Variants in DYSF observed in about 807,000 individuals in gnomAD.
DYSF encodes dysferlin, also known as dystrophy-associated fer-1-like 1.
Under a neutral mutation model 274.9 loss-of-function variants are expected in DYSF, and 212 were observed. That is an observed-to-expected ratio of 0.77 (90% CI 0.69 to 0.86). The LOEUF is 0.86. Among genes scored for constraint, DYSF ranks in the 40% least tolerant of loss-of-function variants. DYSF has a pLI of 0.00. For missense variants in DYSF, 2,666 were observed against 2,783.2 expected (o/e 0.96, Z 0.95); for synonymous variants, 1,091 against 1,078.7 (o/e 1.01, Z -0.22).
chr2:71,528,759 G>A (rs1270082758), intron 14 of DYSF, among the ~76,000 whole-genome samples: 1 of 152,206 alleles, frequency 6.6e-6, no homozygotes, highest in African/African-American at 2.4e-5. Context: ...TAAAGATGTG[G>A]GAGAAAAACA....
chr2:71,565,244 C>CTTTTT (rs775865593), intron 24 of DYSF, among the ~76,000 whole-genome samples: 2 of 120,792 alleles, frequency 1.7e-5, no homozygotes, highest in Admixed American at 1.5e-4. Context: ...ACCCACCCAG[C>CTTTTT]TCTTTTTTTT....
At chr2:71,475,377 ATG>A (rs2082326419) in intron 1 of DYSF, among the ~76,000 whole-genome samples, 1 of 152,204 alleles carries the variant, frequency 6.6e-6, no homozygotes, top group Non-Finnish European at 1.5e-5. Flanking sequence ...ACAGTTAGTA[ATG>A]TGAGTAAGGC....
Position 71,468,881 on chromosome 2 carries a change from G to A in DYSF, c.91+1948G>A, listed in dbSNP as rs564674953. 8.5e-4 allele frequency among the ~76,000 whole-genome samples: 129 copies of A among 152,346 alleles called. 1 individual carries two copies. In the South Asian group the frequency reaches 0.015, roughly 18 times the overall value. On this transcript the variant is annotated intron_variant, in intron 1 of 55. Transcript: ENST00000410020. ...GTTCATTGGTTTGTCCCAGTGCTGA[G>A]CACAAGTAGGTGCTCTCTAGTGTTT... is the stretch of plus-strand genomic sequence containing the variant.
chr2:71,458,274 A>G (rs1006119198), intron 1 of DYSF, among the ~76,000 whole-genome samples: 1 of 152,232 alleles, frequency 6.6e-6, no homozygotes, highest in African/African-American at 2.4e-5. Context: ...TTTTACATAA[A>G]TTTATTATAA....
At chr2:71,488,538 A>T (rs1004317318) in intron 3 of DYSF, among the ~76,000 whole-genome samples, 1 of 152,144 alleles carries the variant, frequency 6.6e-6, no homozygotes. Flanking sequence ...TTAAATGAGG[A>T]GGTCTCAAAT....
chr2:71,643,825 C>G lies in DYSF; in HGVS notation c.4528-140C>G. On this transcript the variant is annotated intron_variant, in intron 41 of 55. Coordinates refer to ENST00000410020, the MANE Select transcript of DYSF (RefSeq NM_001130987.2). Reference sequence around the variant, plus strand: ...GCCCCAGGAGAGGCGGAGGTTTCCTCTCTCTGCTCCCCCACATCACCCTTA... The same window carrying G: ...GCCCCAGGAGAGGCGGAGGTTTCCTGTCTCTGCTCCCCCACATCACCCTTA... The G allele has an allele frequency of 4.1e-6, 3 of 725,038 alleles. No homozygotes were observed. In the South Asian group the frequency reaches 4.5e-5, roughly 11 times the overall value. 44.9% of individuals were successfully genotyped at this position (725,038 alleles called of 1,614,324 possible).
chr2:71,640,368 T>G (rs1378216257), intron 41 of DYSF, among the ~76,000 whole-genome samples: 1 of 152,174 alleles, frequency 6.6e-6, no homozygotes, highest in African/African-American at 2.4e-5. Context: ...TAAACATCCA[T>G]TTTTTGTTTT....
intron 4 of DYSF, among the ~76,000 whole-genome samples, chr2:71,510,380 G>T (rs527820328): frequency 6.6e-6 from 1 of 152,340 alleles, no homozygotes; most frequent in South Asian, 2.1e-4. Context: ...GAAGGGACTG[G>T]CTGCTCACGT....
chr2:71,659,080 T>C, intron 44 of DYSF, 47 bp downstream of exon 44: 1 of 1,613,210 alleles, frequency 6.2e-7, no homozygotes, highest in Non-Finnish European at 8.5e-7. Context: ...CAGGCTCAGG[T>C]ACAAGTGGCC....
intron 30 of DYSF, among the ~76,000 whole-genome samples, chr2:71,575,728 C>T (rs566886998): frequency 6.6e-6 from 1 of 152,260 alleles, no homozygotes; most frequent in African/African-American, 2.4e-5. Flanking sequence ...CCTGTGTAAT[C>T]AGGATCTGTT....
At chr2:71,635,099 T>G (rs1170621100) in intron 41 of DYSF, among the ~76,000 whole-genome samples, 2 of 152,192 alleles carry the variant, frequency 1.3e-5, no homozygotes, top group Admixed American at 1.3e-4. Flanking sequence ...TGCTGCTGCC[T>G]GGACCCCCAA....
At chr2:71,571,305 TACACCTAGC>T (rs2092421869) in intron 29 of DYSF, among the ~76,000 whole-genome samples, 2 of 75,080 alleles carry the variant, frequency 2.7e-5, no homozygotes, top group South Asian at 8.4e-4. Flanking sequence ...ACACACAGAT[TACACCTAGC>T]ACACCCAGCA....
chr2:71,569,165 C>T (rs1387282507), intron 26 of DYSF, among the ~76,000 whole-genome samples: 3 of 152,358 alleles, frequency 2.0e-5, no homozygotes, highest in South Asian at 2.1e-4. Flanking sequence ...TGAGCCACCG[C>T]GCCTGGCCCA....
At chr2:71,616,031 C>G (rs555700885) in intron 40 of DYSF, among the ~76,000 whole-genome samples, 1 of 152,288 alleles carries the variant, frequency 6.6e-6, no homozygotes, top group African/African-American at 2.4e-5. Flanking sequence ...GACACCTTCT[C>G]TCTGCTCCCA....
At chr2:71,594,764 C>T (rs1338934679) in intron 32 of DYSF, among the ~76,000 whole-genome samples, 1 of 152,204 alleles carries the variant, frequency 6.6e-6, no homozygotes, top group Non-Finnish European at 1.5e-5. Flanking sequence ...CACGGCCTAC[C>T]TCCTCATCCT....
At chr2:71,583,817 G>A (rs544039728) in intron 30 of DYSF, among the ~76,000 whole-genome samples, 1 of 152,300 alleles carries the variant, frequency 6.6e-6, no homozygotes, top group South Asian at 2.1e-4. Context: ...TCTCCTCCTG[G>A]CTGTGGTCCT....
chr2:71,663,336 C>T (rs1410812098), intron 45 of DYSF, among the ~76,000 whole-genome samples: 1 of 152,242 alleles, frequency 6.6e-6, no homozygotes, highest in African/African-American at 2.4e-5. Flanking sequence ...GTCCCTTTAG[C>T]TGCTGTCCCC....
intron 41 of DYSF, among the ~76,000 whole-genome samples, chr2:71,634,822 C>T (rs2094371769): frequency 6.6e-6 from 1 of 152,162 alleles, no homozygotes; most frequent in Non-Finnish European, 1.5e-5. Context: ...TCTACTCTGA[C>T]ATTTAGAGAC....
rs149732545 is a variant in DYSF at position 71,682,676 on chromosome 2, C to T, written c.6320C>T (p.Pro2107Leu). 151 of 1,613,726 alleles carry T rather than the reference C, an allele frequency of 9.4e-5. No homozygotes were observed. The highest frequency in any genetic ancestry group is 2.3e-4 in the African/African-American group (17 of 75,008). The change falls in exon 55 of 56, where the codon CCG (proline) becomes CTG (leucine). Residue 2107 changes from proline (P) to leucine (L), a missense_variant and splice_region_variant. Physicochemically the swap from Pro to Leu is moderately conservative, Grantham distance 98. Coordinates refer to ENST00000410020, the MANE Select transcript of DYSF (RefSeq NM_001130987.2). ...CTGGCCATCTTCATCTACGCCTTCC[C>T]GGTGAGCAGGCCTGACGACACTGTG... ...LFLAIFIYAF[P>L]NYAAMKLVKP... is the part of the protein sequence containing the mutation.
Sources: allele counts gnomAD v4.1 joint callset (sites outside exome capture counted in the v4.1 genomes callset), GRCh38; gene constraint gnomAD v4.1.1; transcripts MANE v1.5; gene names NCBI Gene and HGNC (gene_info 2026-07-23, HGNC 2026-07-21).